DSG1: variants seen among roughly 807,000 people sequenced by gnomAD.
The protein encoded by DSG1 is desmoglein 1.
A neutral mutation model predicts 97.5 loss-of-function variants in DSG1; 39 were observed. The ratio of observed to expected loss-of-function variants is 0.40; its 90% CI spans 0.31 to 0.52. DSG1 has a LOEUF of 0.52. Among genes scored for constraint, DSG1 ranks in the 20% least tolerant of loss-of-function variants. DSG1 has a pLI of 0.53. For missense variants in DSG1, 1,311 were observed against 1,295.4 expected (o/e 1.01, Z -0.18); for synonymous variants, 475 against 443.4 (o/e 1.07, Z -0.90).
intron 9 of DSG1, among the ~76,000 whole-genome samples, chr18:31,337,776 A>C (rs80270020): frequency 0.02 from 3,098 of 152,330 alleles, 46 homozygotes; most frequent in East Asian, 0.067. Flanking sequence ...AGATGAGAAG[A>C]AAAACACCGA....
Position 31,339,764 on chromosome 18 carries a change from A to T in DSG1, c.1426A>T (p.Thr476Ser), listed in dbSNP as rs2071776685. The T allele has an allele frequency of 6.2e-7, 1 of 1,611,590 alleles. No homozygotes were observed. Among genetic ancestry groups the T allele is most frequent in the African/African-American group, 1.3e-5 (1 of 74,858 alleles). Residue 476 changes from threonine to serine, a missense_variant, in exon 11 of 15, where the codon ACT (threonine) becomes TCT (serine). This residue lies in a region of DSG1 where 1,038 missense variants were observed against 964.6 expected (regional missense o/e 1.08). Coordinates refer to ENST00000257192, the MANE Select transcript of DSG1 (RefSeq NM_001942.4). ...SIDDNLQRTC[T>S]GTININIQSF... Reference sequence around the variant, plus strand: ...TACAGATAATCTTCAAAGAACTTGCACTGGTACAATTAATATTAACATTCA... The same window carrying T: ...TACAGATAATCTTCAAAGAACTTGCTCTGGTACAATTAATATTAACATTCA...
chr18:31,357,116 C>T lies in DSG1; in HGVS notation c.*1770C>T, dbSNP rs957881114. On this transcript the variant is annotated 3_prime_UTR_variant, in exon 15 of 15. Transcript: ENST00000257192. Reference sequence around the variant, plus strand: ...TACAAAGCCAAAGAATATTCAACTTCCTCCACTGGTCAAAAGAGGATAGGA... The same window carrying T: ...TACAAAGCCAAAGAATATTCAACTTTCTCCACTGGTCAAAAGAGGATAGGA... 3.9e-5 allele frequency: 6 copies of T among 152,066 alleles called. No individual in the cohort carries two copies. Among genetic ancestry groups the T allele is most frequent in the Non-Finnish European group, 8.8e-5 (6 of 67,938 alleles). 9.4% of individuals were successfully genotyped at this position (152,066 alleles called of 1,614,324 possible).
chr18:31,342,574 A>T (rs2071796784), intron 11 of DSG1, among the ~76,000 whole-genome samples: 1 of 152,228 alleles, frequency 6.6e-6, no homozygotes, highest in Non-Finnish European at 1.5e-5. Flanking sequence ...TAATAAATAG[A>T]TAAATAAGAA....
chr18:31,333,553 G>A (rs369724851), intron 6 of DSG1, 36 bp from the exon 7 acceptor site: 97 of 1,613,158 alleles, frequency 6.0e-5, no homozygotes, highest in Admixed American at 8.3e-5. Flanking sequence ...GGCTGTCTAC[G>A]TCAAGTGTGA....
In DSG1 at chr18:31,354,564, G is replaced by A; in HGVS notation, c.2368G>A (p.Glu790Lys). Residue 790 changes from glutamate to lysine, a missense_variant, in exon 15 of 15, where the codon GAG becomes AAG. Around this residue, in one of 3 missense-constraint regions of DSG1, gnomAD observed 1,038 missense variants for 964.6 expected, o/e 1.08. Transcript: ENST00000257192. ...ACCAGTTTGCCTTCCTCAGGAAACA[G>A]AGCCCGTTGTTAGTGGACACCCACC... ...TEPVCLPQET[E>K]PVVSGHPPIS... The A allele has an allele frequency of 6.2e-7, 1 of 1,614,200 alleles. No homozygotes were observed. Among genetic ancestry groups the A allele is most frequent in the Non-Finnish European group, 8.5e-7 (1 of 1,180,030 alleles).
At chr18:31,331,470 G>T (rs905612210) in intron 5 of DSG1, among the ~76,000 whole-genome samples, 6 of 152,046 alleles carry the variant, frequency 3.9e-5, no homozygotes, top group African/African-American at 1.4e-4. Context: ...CATTTCCTTT[G>T]TTTCCCAGTT....
chr18:31,340,869 C>A (rs900234622), intron 11 of DSG1, among the ~76,000 whole-genome samples: 1 of 152,126 alleles, frequency 6.6e-6, no homozygotes, highest in Non-Finnish European at 1.5e-5. Context: ...TCAAATAGAC[C>A]GAGGGTTAAA....
chr18:31,342,303 G>C (rs1175722037), intron 11 of DSG1, among the ~76,000 whole-genome samples: 1 of 151,868 alleles, frequency 6.6e-6, no homozygotes, highest in Non-Finnish European at 1.5e-5. Flanking sequence ...ATTATATATG[G>C]GCCTTAGTCA....
At chr18:31,334,338 A>G (rs2071739172) in intron 8 of DSG1, 136 bp downstream of exon 8, 1 of 611,650 alleles carries the variant, frequency 1.6e-6, no homozygotes, top group East Asian at 3.0e-5. Flanking sequence ...AAATATATAT[A>G]TAACATAGAG....
chr18:31,344,075 T>C (rs933677191), intron 13 of DSG1, 80 bp downstream of exon 13: 16 of 1,048,648 alleles, frequency 1.5e-5, no homozygotes, highest in East Asian at 1.0e-4. Context: ...TGTTTTTTAA[T>C]TATCTTATTT....
intron 14 of DSG1, among the ~76,000 whole-genome samples, chr18:31,348,075 G>A (rs527674687): frequency 8.0e-5 from 12 of 150,416 alleles, no homozygotes; most frequent in South Asian, 4.2e-4. Flanking sequence ...CCACTAACTC[G>A]TCATCTAGCA....
rs1361944257 is a variant in DSG1 at position 31,343,965 on chromosome 18, G to A, written c.1861G>A (p.Ala621Thr). ...CATACCACAAATACCACCTGATAAC[G>A]CAAATATAATTGAATGCATTGACAA... is the stretch of plus-strand genomic sequence containing the variant. The part of the protein sequence containing the change: ...TVIPQIPPDN[A>T]NIIECIDNSG... Residue 621 changes from alanine (A) to threonine (T), a missense_variant, in exon 13 of 15, where the codon GCA (alanine) becomes ACA (threonine). By Grantham distance (58) the Ala-to-Thr change is moderately conservative (BLOSUM62 0). This residue lies in a region of DSG1 where 1,038 missense variants were observed against 964.6 expected (regional missense o/e 1.08). Coordinates refer to ENST00000257192, the MANE Select transcript of DSG1 (RefSeq NM_001942.4). The A allele has an allele frequency of 1.9e-6, 3 of 1,613,016 alleles. No homozygotes were observed. Among genetic ancestry groups the A allele is most frequent in the South Asian group, 1.1e-5 (1 of 91,036 alleles).
Position 31,355,378 on chromosome 18 carries a change from T to C in DSG1, c.*32T>C, listed in dbSNP as rs574396889. 4.8e-4 allele frequency: 768 copies of C among 1,605,040 alleles called. 8 individuals are homozygous for C. In the South Asian group the frequency reaches 7.9e-3, roughly 16 times the overall value. On this transcript the variant is annotated 3_prime_UTR_variant, in exon 15 of 15. Transcript: ENST00000257192. Reference sequence around the variant, plus strand: ...CCCCAGCTCACTTTTTCATAGTCATTGTGGTTTAGATCCAATTCCCACCAC... The same window carrying C: ...CCCCAGCTCACTTTTTCATAGTCATCGTGGTTTAGATCCAATTCCCACCAC...
intron 9 of DSG1, among the ~76,000 whole-genome samples, chr18:31,337,730 G>A (rs9966811): frequency 0.13 from 19,181 of 152,160 alleles, 2,482 homozygotes; most frequent in African/African-American, 0.34. Context: ...GAGAGAGAGA[G>A]AGAATTACCT....
intron 11 of DSG1, among the ~76,000 whole-genome samples, chr18:31,341,932 TTTTG>T (rs1322970374): frequency 2.5e-5 from 3 of 117,854 alleles, no homozygotes; most frequent in Non-Finnish European, 5.8e-5. Flanking sequence ...TCTTTTGTTT[TTTTG>T]TTTTTTTGTT....
chr18:31,343,718 G>T, intron 12 of DSG1, 135 bp downstream of exon 12: 1 of 1,386,224 alleles, frequency 7.2e-7, no homozygotes, highest in Non-Finnish European at 1.0e-6. Context: ...AAAATGAAGA[G>T]GAATCAGAAA....
At position 31,343,360 on chromosome 18, in the gene DSG1, G is replaced by A. The variant is rs879063447; in HGVS notation, c.1688-90G>A. The A allele has an allele frequency of 5.7e-5, 89 of 1,554,308 alleles. 1 individual carries two copies. In the South Asian group the frequency reaches 7.3e-4, roughly 13 times the overall value. On this transcript the variant is annotated intron_variant, in intron 11 of 14. Coordinates refer to ENST00000257192, the MANE Select transcript of DSG1 (RefSeq NM_001942.4). ...TTAGAACCAACCAGAATTATATTACGAATTCAAATTTAACCATAAAAAATC... is the reference window on the plus strand; with the variant it reads ...TTAGAACCAACCAGAATTATATTACAAATTCAAATTTAACCATAAAAAATC...
At chr18:31,336,732 T>C in intron 9 of DSG1, 119 bp downstream of exon 9, 2 of 1,111,282 alleles carry the variant, frequency 1.8e-6, no homozygotes, top group Non-Finnish European at 2.6e-6. Context: ...AACTATCATT[T>C]AATTGTAAAA....
chr18:31,328,485 G>T, intron 4 of DSG1, 141 bp downstream of exon 4: 3 of 808,508 alleles, frequency 3.7e-6, no homozygotes, highest in Admixed American at 2.4e-5. Context: ...AGCATCCCAC[G>T]ACTGAAAAGA....
Sources: allele counts gnomAD v4.1 joint callset (sites outside exome capture counted in the v4.1 genomes callset), GRCh38; gene constraint gnomAD v4.1.1; regional missense constraint gnomAD v4.1.1; transcripts MANE v1.5; gene names NCBI Gene and HGNC (gene_info 2026-07-23, HGNC 2026-07-21).